The following VAT1L variants were observed in gnomAD, a reference collection of about 807,000 sequenced individuals.
VAT1L encodes the protein vesicle amine transport 1 like.
VAT1L carries 34 observed loss-of-function variants against 44.1 expected under a neutral mutation model. The ratio of observed to expected loss-of-function variants is 0.77; its 90% confidence interval spans 0.59 to 1.03. The LOEUF (loss-of-function observed/expected upper bound fraction) is 1.03, where lower values mean the gene tolerates loss of function less well. Among genes scored for constraint, VAT1L ranks in the 50% least tolerant of loss-of-function variants. The pLI is 0.00. For synonymous variants in VAT1L, 253 were observed against 202.2 expected, an observed-to-expected ratio of 1.25 and a Z score of -2.13; for missense variants, 615 against 538.8, an observed-to-expected ratio of 1.14 and a Z score of -1.40.
intron 5 of VAT1L, among the ~76,000 whole-genome samples, chr16:77,877,077 C>G (rs140758598): frequency 0.01 from 1,563 of 152,304 alleles, 42 homozygotes; most frequent in Admixed American, 0.053. Flanking sequence ...TTTCTACATT[C>G]ACTTCTATGT....
At chr16:77,880,668 T>C (rs2017143496) in intron 6 of VAT1L, among the ~76,000 whole-genome samples, 1 of 136,668 alleles carries the variant, frequency 7.3e-6, no homozygotes, top group South Asian at 2.5e-4. Context: ...TTTGCCCGGG[T>C]ATTGTATGAT....
At chr16:77,824,862 CTTTTTTTT>C (rs756573336) in intron 2 of VAT1L, among the ~76,000 whole-genome samples, 1 of 75,464 alleles carries the variant, frequency 1.3e-5, no homozygotes, top group African/African-American at 5.3e-5. Flanking sequence ...CCCAATAATG[CTTTTTTTT>C]TTTTTTTTTT....
chr16:77,814,905 A>G (rs185285891), intron 1 of VAT1L, among the ~76,000 whole-genome samples: 96 of 152,258 alleles, frequency 6.3e-4, no homozygotes, highest in Middle Eastern at 3.4e-3. Flanking sequence ...GAAGATGCAA[A>G]TTTCAAGGCT....
intron 1 of VAT1L, among the ~76,000 whole-genome samples, chr16:77,791,213 C>T (rs1290085048): frequency 6.6e-6 from 1 of 152,202 alleles, no homozygotes; most frequent in African/African-American, 2.4e-5. Context: ...CAGGATGACT[C>T]ATTCTGTATT....
At chr16:77,814,148 A>G (rs1038340490) in intron 1 of VAT1L, among the ~76,000 whole-genome samples, 12 of 152,216 alleles carry the variant, frequency 7.9e-5, no homozygotes, top group African/African-American at 2.9e-4. Context: ...CTTAAATAAC[A>G]AAAGTCAAGC....
At chr16:77,869,422 C>T (rs749819309) in intron 4 of VAT1L, among the ~76,000 whole-genome samples, 2 of 152,198 alleles carry the variant, frequency 1.3e-5, no homozygotes, top group Non-Finnish European at 2.9e-5. Flanking sequence ...CACCTATAAT[C>T]CCTGCACTTT....
At chr16:77,812,986 A>G (rs1023391553) in intron 1 of VAT1L, among the ~76,000 whole-genome samples, 1 of 152,072 alleles carries the variant, frequency 6.6e-6, no homozygotes, top group East Asian at 1.9e-4. Context: ...TTTTTTTGCA[A>G]TGATCTGAAA....
At chr16:77,953,350 T>G (rs2018065691) in intron 7 of VAT1L, among the ~76,000 whole-genome samples, 1 of 152,202 alleles carries the variant, frequency 6.6e-6, no homozygotes, top group Non-Finnish European at 1.5e-5. Context: ...AACATTATTA[T>G]GTGTTCCTAA....
At chr16:77,920,664 C>G (rs1262649871) in intron 7 of VAT1L, among the ~76,000 whole-genome samples, 1 of 152,086 alleles carries the variant, frequency 6.6e-6, no homozygotes, top group Non-Finnish European at 1.5e-5. Flanking sequence ...AATTCTAATA[C>G]CATATTTTTA....
intron 7 of VAT1L, among the ~76,000 whole-genome samples, chr16:77,941,735 T>A (rs2017886662): frequency 6.6e-6 from 1 of 152,088 alleles, no homozygotes; most frequent in Admixed American, 6.6e-5. Flanking sequence ...ACAGGCACCA[T>A]GCCACCAAGC....
chr16:77,865,967 G>A (rs896870086), intron 4 of VAT1L, among the ~76,000 whole-genome samples: 1 of 152,134 alleles, frequency 6.6e-6, no homozygotes, highest in African/African-American at 2.4e-5. Flanking sequence ...GGTGTCTGCT[G>A]ATGTCAGAAG....
intron 3 of VAT1L, among the ~76,000 whole-genome samples, chr16:77,861,707 C>T (rs2016915769): frequency 6.6e-6 from 1 of 152,186 alleles, no homozygotes; most frequent in Non-Finnish European, 1.5e-5. Context: ...CTGTGGGAGC[C>T]CACTTGACTG....
chr16:77,933,036 G>A lies in VAT1L; in HGVS notation c.1078-38814G>A, dbSNP rs548905194. 1.6e-4 allele frequency among the ~76,000 whole-genome samples: 24 copies of A among 152,294 alleles called. No homozygotes were observed. In the South Asian group the frequency reaches 2.5e-3, roughly 16 times the overall value. ...CCTGACTCCAAGGAGGCTGGGAAGTGAAGTCTTCCTGAGTGTTTAGGAAAA... is the reference window on the plus strand; with the variant it reads ...CCTGACTCCAAGGAGGCTGGGAAGTAAAGTCTTCCTGAGTGTTTAGGAAAA... On this transcript the variant is annotated intron_variant, in intron 7 of 8. Transcript: ENST00000302536.
At chr16:77,969,185 C>A (rs892948803) in intron 7 of VAT1L, among the ~76,000 whole-genome samples, 1 of 152,194 alleles carries the variant, frequency 6.6e-6, no homozygotes, top group Non-Finnish European at 1.5e-5. Context: ...ATATTGTTAT[C>A]AGCACACTCC....
At chr16:77,881,471 A>T (rs570542681) in intron 6 of VAT1L, among the ~76,000 whole-genome samples, 1 of 152,226 alleles carries the variant, frequency 6.6e-6, no homozygotes, top group East Asian at 1.9e-4. Context: ...TAAAATAGAA[A>T]ATAGCAGGGT....
At chr16:77,815,449 G>T (rs1169246242) in intron 1 of VAT1L, among the ~76,000 whole-genome samples, 1 of 152,220 alleles carries the variant, frequency 6.6e-6, no homozygotes, top group Non-Finnish European at 1.5e-5. Flanking sequence ...GCACTTTAGA[G>T]AAATACCAGC....
intron 3 of VAT1L, among the ~76,000 whole-genome samples, chr16:77,840,516 ATCT>A (rs1301641394): frequency 6.6e-6 from 1 of 152,120 alleles, no homozygotes; most frequent in African/African-American, 2.4e-5. Context: ...GATGCTATTC[ATCT>A]TCTTCAGTTT....
intron 3 of VAT1L, among the ~76,000 whole-genome samples, chr16:77,837,392 A>T (rs2016651151): frequency 6.6e-6 from 1 of 152,140 alleles, no homozygotes; most frequent in African/African-American, 2.4e-5. Context: ...CCATAAATTA[A>T]ACTTCAAGCT....
intron 2 of VAT1L, among the ~76,000 whole-genome samples, chr16:77,821,217 A>T (rs184132578): frequency 6.6e-6 from 1 of 152,304 alleles, no homozygotes; most frequent in East Asian, 1.9e-4. Flanking sequence ...CTAGTCATGT[A>T]AAAGGATAAG....
Sources: allele counts gnomAD v4.1 joint callset (sites outside exome capture counted in the v4.1 genomes callset), GRCh38; gene constraint gnomAD v4.1.1; transcripts MANE v1.5; gene names NCBI Gene and HGNC (gene_info 2026-07-23, HGNC 2026-07-21).